The following PTPRD variants were observed in gnomAD, a reference collection of about 807,000 sequenced individuals.
The protein encoded by PTPRD is receptor-type tyrosine-protein phosphatase delta.
A neutral mutation model predicts 214.5 loss-of-function variants in PTPRD; 34 were observed. That is an observed-to-expected ratio of 0.16 (90% CI 0.12 to 0.21). PTPRD has a LOEUF of 0.21. Among genes scored for constraint, PTPRD ranks in the 10% least tolerant of loss-of-function variants. The pLI is 1.00. For synonymous variants in PTPRD, 1,128 were observed against 845.7 expected, an observed-to-expected ratio of 1.33 and a Z score of -5.79; for missense variants, 2,545 against 2,398.7, an observed-to-expected ratio of 1.06 and a Z score of -1.27.
At chr9:9,486,984 G>A (rs906098514) in intron 8 of PTPRD, among the ~76,000 whole-genome samples, 7 of 152,086 alleles carry the variant, frequency 4.6e-5, no homozygotes, top group Non-Finnish European at 7.4e-5. Flanking sequence ...CTTTTCTGGT[G>A]CCAGTACCAT....
intron 10 of PTPRD, among the ~76,000 whole-genome samples, chr9:9,148,951 T>A (rs2154486520): frequency 6.6e-6 from 1 of 152,362 alleles, no homozygotes; most frequent in South Asian, 2.1e-4. Context: ...CTTAGTAGGC[T>A]AATACTGCCT....
intron 3 of PTPRD, among the ~76,000 whole-genome samples, chr9:10,279,888 A>G (rs1298263037): frequency 6.6e-6 from 1 of 150,692 alleles, no homozygotes; most frequent in Non-Finnish European, 1.5e-5. Context: ...ATCCTCATTT[A>G]TATAAATTCT....
chr9:10,223,160 T>G (rs1036663160), intron 3 of PTPRD, among the ~76,000 whole-genome samples: 40 of 152,086 alleles, frequency 2.6e-4, no homozygotes, highest in Admixed American at 9.8e-4. Flanking sequence ...TCCTAATGTG[T>G]CTCTTCTCTT....
chr9:8,972,523 G>T (rs1375334103), intron 11 of PTPRD, among the ~76,000 whole-genome samples: 1 of 151,548 alleles, frequency 6.6e-6, no homozygotes, highest in East Asian at 1.9e-4. Context: ...GAGGGAAGGA[G>T]GGAAGGAAAG....
intron 3 of PTPRD, among the ~76,000 whole-genome samples, chr9:10,294,495 C>A (rs1319757141): frequency 1.3e-5 from 2 of 151,742 alleles, no homozygotes; most frequent in African/African-American, 4.8e-5. Context: ...ATTTTTTTCC[C>A]AGAAAACATT....
intron 9 of PTPRD, among the ~76,000 whole-genome samples, chr9:9,280,731 T>A (rs948526631): frequency 2.6e-5 from 4 of 151,306 alleles, no homozygotes; most frequent in African/African-American, 9.7e-5. Context: ...CTTAATACAA[T>A]CCTAATAAAA....
At chr9:9,576,973 G>T (rs889615963) in intron 7 of PTPRD, among the ~76,000 whole-genome samples, 1 of 152,030 alleles carries the variant, frequency 6.6e-6, no homozygotes, top group Non-Finnish European at 1.5e-5. Context: ...ATTTGAAACT[G>T]AATATTTTGA....
chr9:8,822,272 T>G (rs895387711), intron 11 of PTPRD, among the ~76,000 whole-genome samples: 1 of 152,196 alleles, frequency 6.6e-6, no homozygotes, highest in Admixed American at 6.5e-5. Flanking sequence ...CATTCATCCA[T>G]GCCCAGGTAA....
chr9:10,048,224 G>A (rs2097444440), intron 3 of PTPRD, among the ~76,000 whole-genome samples: 1 of 151,882 alleles, frequency 6.6e-6, no homozygotes, highest in African/African-American at 2.4e-5. Flanking sequence ...CAGCCCTCAT[G>A]TCCTTTGTAC....
intron 11 of PTPRD, among the ~76,000 whole-genome samples, chr9:8,949,984 T>G (rs752703629): frequency 7.9e-5 from 12 of 152,132 alleles, no homozygotes; most frequent in South Asian, 2.1e-4. Context: ...ACAGGGAGAT[T>G]GTCTATCATG....
chr9:9,764,830 A>T (rs2098693226), intron 6 of PTPRD, among the ~76,000 whole-genome samples: 1 of 152,192 alleles, frequency 6.6e-6, no homozygotes, highest in Admixed American at 6.5e-5. Flanking sequence ...ACTGCCTCAC[A>T]GTGTAATAAC....
At chr9:10,260,973 T>A (rs184150993) in intron 3 of PTPRD, among the ~76,000 whole-genome samples, 216 of 148,368 alleles carry the variant, frequency 1.5e-3, no homozygotes, top group African/African-American at 5.1e-3. Context: ...TATATATATA[T>A]GTGTGTATAT....
chr9:10,154,245 T>C (rs1032882677), intron 3 of PTPRD, among the ~76,000 whole-genome samples: 2 of 152,164 alleles, frequency 1.3e-5, no homozygotes, highest in African/African-American at 2.4e-5. Flanking sequence ...TTTTTTTATA[T>C]GGTTGTTGGC....
intron 10 of PTPRD, among the ~76,000 whole-genome samples, chr9:9,135,213 G>C (rs1249401747): frequency 6.6e-6 from 1 of 152,192 alleles, no homozygotes; most frequent in East Asian, 1.9e-4. Context: ...CACTCTGATT[G>C]TATGCTTTCA....
At chr9:9,317,806 T>C (rs1000813173) in intron 9 of PTPRD, among the ~76,000 whole-genome samples, 1 of 152,176 alleles carries the variant, frequency 6.6e-6, no homozygotes, top group African/African-American at 2.4e-5. Flanking sequence ...TATTAATAAT[T>C]TTTTTCATCC....
intron 35 of PTPRD, among the ~76,000 whole-genome samples, chr9:8,406,760 TATC>T (rs750348312): frequency 7.2e-5 from 11 of 152,184 alleles, no homozygotes; most frequent in Non-Finnish European, 1.5e-4. Context: ...ATACCACAAT[TATC>T]ATACTTAACA....
At position 9,950,722 on chromosome 9, in the gene PTPRD, CAAAAAAAAAAAAAAAAAAAAAA is replaced by C. The variant is rs922771507; in HGVS notation, c.-471-12134_-471-12113del. ...CCTGGGCGACAGCGAGACTCCGTCT[CAAAAAAAAAAAAAAAAAAAAAA>C]AAAAAAAAAAAAAAAAGAAGAAAGT... On this transcript the variant is annotated intron_variant, in intron 4 of 45. Transcript: ENST00000381196. Among the ~76,000 whole-genome samples the C allele has an allele frequency of 7.5e-4, 2 of 2,664 alleles. 1 individual carries two copies. Among genetic ancestry groups the C allele is most frequent in the Non-Finnish European group, 9.2e-4 (2 of 2,182 alleles). 1.7% of individuals were successfully genotyped at this position (2,664 alleles called of 152,430 possible). A position where few individuals can be genotyped will look rare whatever the true frequency, so the allele number is the denominator to read the frequency against.
At chr9:9,955,502 GT>G (rs916161010) in intron 4 of PTPRD, among the ~76,000 whole-genome samples, 2 of 147,068 alleles carry the variant, frequency 1.4e-5, no homozygotes, top group East Asian at 1.9e-4. Flanking sequence ...TTGGGTTTTC[GT>G]TTTTTTTGTT....
chr9:10,276,913 A>T (rs2154386674), intron 3 of PTPRD, among the ~76,000 whole-genome samples: 2 of 152,318 alleles, frequency 1.3e-5, no homozygotes, highest in Middle Eastern at 3.4e-3. Context: ...TACAATCAGA[A>T]TCTAAATGTA....
Sources: gnomAD v4.1 joint callset for allele counts (sites outside exome capture counted in the v4.1 genomes callset) on GRCh38, gnomAD v4.1.1 for gene constraint, MANE v1.5 for transcripts, NCBI Gene and HGNC (gene_info 2026-07-23, HGNC 2026-07-21) for gene names.